GUCY1A2: variants seen among roughly 807,000 people sequenced by gnomAD.
GUCY1A2 encodes guanylate cyclase 1 soluble subunit alpha 2, also known as guanylate cyclase soluble subunit alpha-2.
Under a neutral mutation model 63.5 loss-of-function variants are expected in GUCY1A2, and 27 were observed. The observed-to-expected ratio is 0.43, with a 90% CI of 0.31 to 0.59. The LOEUF (loss-of-function observed/expected upper bound fraction) is 0.59. Among genes scored for constraint, GUCY1A2 ranks in the 20% least tolerant of loss-of-function variants. The probability of loss-of-function intolerance (pLI) is 0.11; values close to 1 mark genes in which losing one functional copy is unlikely to be tolerated. For synonymous variants in GUCY1A2, 364 were observed against 343.5 expected, an observed-to-expected ratio of 1.06 and a Z score of -0.66; for missense variants, 768 against 913.3, an observed-to-expected ratio of 0.84 and a Z score of 2.05.
chr11:106,990,226 T>C (rs896148624), intron 1 of GUCY1A2, among the ~76,000 whole-genome samples: 1 of 152,130 alleles, frequency 6.6e-6, no homozygotes, highest in Admixed American at 6.5e-5. Context: ...TTTCTGTGGT[T>C]CAAACAGTGG....
chr11:106,832,044 AG>A (rs1859057973), intron 4 of GUCY1A2, among the ~76,000 whole-genome samples: 1 of 152,202 alleles, frequency 6.6e-6, no homozygotes, highest in Non-Finnish European at 1.5e-5. Context: ...ATTAAAGGCA[AG>A]TCCCAAGATT....
Position 106,675,758 on chromosome 11 carries a change from A to G in GUCY1A2, c.*11791T>C, listed in dbSNP as rs1367250400. 1 of 191,464 alleles carries G rather than the reference A, an allele frequency of 5.2e-6. No individual in the cohort carries two copies. Among genetic ancestry groups the G allele is most frequent in the Non-Finnish European group, 1.1e-5 (1 of 91,430 alleles). 11.9% of individuals were successfully genotyped at this position (191,464 alleles called of 1,614,324 possible). On this transcript the variant is annotated 3_prime_UTR_variant, in exon 8 of 8. Transcript: ENST00000526355. Reference sequence around the variant, plus strand: ...CTTAACAGTGAAAATCACAGGAAGAAAGTAATCAGTATTTTCATAGATACC... The same window carrying G: ...CTTAACAGTGAAAATCACAGGAAGAGAGTAATCAGTATTTTCATAGATACC...
intron 6 of GUCY1A2, among the ~76,000 whole-genome samples, chr11:106,775,437 T>C (rs1864338199): frequency 6.6e-6 from 1 of 151,458 alleles, no homozygotes; most frequent in South Asian, 2.1e-4. Flanking sequence ...CCTTCTATCA[T>C]TGCTAATAAC....
intron 6 of GUCY1A2, among the ~76,000 whole-genome samples, chr11:106,766,570 C>A: frequency 6.6e-6 from 1 of 151,224 alleles, no homozygotes; most frequent in Non-Finnish European, 1.5e-5. Context: ...TTTTAGAAAA[C>A]AAATAAAGAG....
At chr11:106,954,559 T>A (rs904307502) in intron 3 of GUCY1A2, among the ~76,000 whole-genome samples, 2 of 152,126 alleles carry the variant, frequency 1.3e-5, no homozygotes, top group African/African-American at 4.8e-5. Context: ...CTCCTAAATA[T>A]CCTTTTTAAT....
chr11:107,012,769 T>A (rs1362694347), intron 1 of GUCY1A2, among the ~76,000 whole-genome samples: 1 of 152,238 alleles, frequency 6.6e-6, no homozygotes, highest in African/African-American at 2.4e-5. Context: ...ATATACTTTA[T>A]ATAATTTTAT....
chr11:106,898,253 A>G (rs1451561582), intron 4 of GUCY1A2, among the ~76,000 whole-genome samples: 1 of 152,240 alleles, frequency 6.6e-6, no homozygotes, highest in African/African-American at 2.4e-5. Context: ...TTGGAAATGA[A>G]AAGCAGTACA....
At chr11:106,812,220 C>G (rs1430280296) in intron 4 of GUCY1A2, among the ~76,000 whole-genome samples, 1 of 151,800 alleles carries the variant, frequency 6.6e-6, no homozygotes, top group Non-Finnish European at 1.5e-5. Flanking sequence ...CCTTGATAAG[C>G]TTAATAGAGT....
At chr11:106,975,182 C>T (rs1251171758) in intron 3 of GUCY1A2, among the ~76,000 whole-genome samples, 1 of 152,122 alleles carries the variant, frequency 6.6e-6, no homozygotes, top group Admixed American at 6.5e-5. Flanking sequence ...TCCCTTAACT[C>T]TCCTACTCAC....
intron 1 of GUCY1A2, among the ~76,000 whole-genome samples, chr11:106,998,442 T>C (rs1861568863): frequency 6.6e-6 from 1 of 152,246 alleles, no homozygotes; most frequent in African/African-American, 2.4e-5. Context: ...TACAAATATC[T>C]GTCAAACGTT....
intron 5 of GUCY1A2, among the ~76,000 whole-genome samples, chr11:106,801,321 G>GTGACATACTA (rs1858599600): frequency 6.6e-6 from 1 of 152,040 alleles, no homozygotes; most frequent in Non-Finnish European, 1.5e-5. Context: ...TAACAGTCCT[G>GTGACATACTA]TGACATACTA....
intron 6 of GUCY1A2, among the ~76,000 whole-genome samples, chr11:106,731,502 T>C (rs905226570): frequency 3.3e-5 from 5 of 151,788 alleles, no homozygotes; most frequent in Admixed American, 6.6e-5. Context: ...CTCTCAACAC[T>C]CCTATTCAAG....
intron 4 of GUCY1A2, among the ~76,000 whole-genome samples, chr11:106,937,938 C>T (rs2119969051): frequency 6.6e-6 from 1 of 152,104 alleles, no homozygotes; most frequent in African/African-American, 2.4e-5. Context: ...CTATCATTCT[C>T]AAATAATTTT....
intron 4 of GUCY1A2, among the ~76,000 whole-genome samples, chr11:106,928,653 C>T (rs1371018210): frequency 6.6e-6 from 1 of 152,146 alleles, no homozygotes; most frequent in Non-Finnish European, 1.5e-5. Context: ...ACAGGGTATA[C>T]TTACACAAAC....
intron 6 of GUCY1A2, among the ~76,000 whole-genome samples, chr11:106,757,924 T>C (rs1864002137): frequency 6.6e-6 from 1 of 152,158 alleles, no homozygotes; most frequent in Non-Finnish European, 1.5e-5. Context: ...CAGGCAGGGA[T>C]GTTTAAGTCT....
chr11:106,869,449 A>G (rs1413420012), intron 4 of GUCY1A2, among the ~76,000 whole-genome samples: 1 of 152,194 alleles, frequency 6.6e-6, no homozygotes, highest in African/African-American at 2.4e-5. Context: ...GGGGCAAAGG[A>G]TATGAACAGA....
chr11:106,820,836 G>T (rs1038984616), intron 4 of GUCY1A2, among the ~76,000 whole-genome samples: 8 of 152,170 alleles, frequency 5.3e-5, no homozygotes, highest in African/African-American at 1.9e-4. Context: ...TCAATAGATT[G>T]AAATGTTGCC....
rs372592379 is a variant in GUCY1A2, at chr11:106,730,650, T to C, written c.1837-21984A>G. ...TATACCCAGTAATGGGATTGCTGGG[T>C]TGAATGATATTTCTGTCTTTAGGTC... is the stretch of plus-strand genomic sequence containing the variant. On this transcript the variant is annotated intron_variant, in intron 6 of 7. Coordinates refer to ENST00000526355, the MANE Select transcript of GUCY1A2 (RefSeq NM_000855.3). Among the ~76,000 whole-genome samples, 43 of 152,256 alleles carry C rather than the reference T, an allele frequency of 2.8e-4. 2 individuals are homozygous for C. The East Asian group carries it at 7.3e-3, about 26-fold the overall frequency.
chr11:106,833,113 T>C (rs1441559005), intron 4 of GUCY1A2, among the ~76,000 whole-genome samples: 1 of 152,016 alleles, frequency 6.6e-6, no homozygotes, highest in African/African-American at 2.4e-5. Context: ...CACATGGCAT[T>C]CTCCCTGTGT....
Sources: gnomAD v4.1 joint callset for allele counts (sites outside exome capture counted in the v4.1 genomes callset) on GRCh38, gnomAD v4.1.1 for gene constraint, MANE v1.5 for transcripts, NCBI Gene and HGNC (gene_info 2026-07-23, HGNC 2026-07-21) for gene names.